RALGAPA1: variants seen among roughly 807,000 people sequenced by gnomAD.
RALGAPA1 encodes ral GTPase-activating protein subunit alpha-1.
In RALGAPA1, 52 loss-of-function variants were observed where a neutral mutation model predicts 269.6. The observed-to-expected ratio is 0.19, with a 90% CI of 0.15 to 0.24. The LOEUF is 0.24. Ranked by LOEUF, RALGAPA1 falls within the 10% of genes least tolerant of loss-of-function variation. The pLI is 1.00. For missense variants in RALGAPA1, 1,917 were observed against 3,013.9 expected (o/e 0.64, Z 8.52); for synonymous variants, 817 against 1,008.3 (o/e 0.81, Z 3.60).
At chr14:35,546,144 C>T (rs1021418927) in intron 41 of RALGAPA1, among the ~76,000 whole-genome samples, 4 of 152,136 alleles carry the variant, frequency 2.6e-5, no homozygotes, top group African/African-American at 9.7e-5. Context: ...CTGCCACAGA[C>T]AGTACATTTT....
Position 35,692,493 on chromosome 14 carries a change from G to GT in RALGAPA1, c.2408-2491dup, listed in dbSNP as rs77803792. Among the ~76,000 whole-genome samples, 184 of 135,674 alleles carry GT rather than the reference G, an allele frequency of 1.4e-3. 1 individual carries two copies. Among genetic ancestry groups the GT allele is most frequent in the Middle Eastern group, 3.9e-3 (1 of 254 alleles). 89.0% of individuals were successfully genotyped at this position (135,674 alleles called of 152,430 possible). Reference sequence around the variant, plus strand: ...AAACGTAACCATTATTTCAGCCTATGTTTTTTTTTTTTCCTAAAACTTGTT... The same window carrying GT: ...AAACGTAACCATTATTTCAGCCTATGTTTTTTTTTTTTTCCTAAAACTTGTT... On this transcript the variant is annotated intron_variant, in intron 17 of 41. Transcript: ENST00000680220.
chr14:35,767,713 C>T (rs2076671937), intron 4 of RALGAPA1, among the ~76,000 whole-genome samples: 2 of 151,872 alleles, frequency 1.3e-5, no homozygotes, highest in Admixed American at 1.3e-4. Context: ...TAAACAAAAA[C>T]CTAGAAACAG....
Position 35,674,496 on chromosome 14 carries a change from A to AT in RALGAPA1, c.4818+19dup, listed in dbSNP as rs751225171. On this transcript the variant is annotated intron_variant, in intron 23 of 41. Coordinates refer to ENST00000680220, the MANE Select transcript of RALGAPA1 (RefSeq NM_001346249.2). ...TATTTTTATTTTCTTCTCCACTTAT[A>AT]TCCGCTATTTCTTTTTTACCTTAGC... 1 of 1,585,140 alleles carries AT rather than the reference A, an allele frequency of 6.3e-7. No homozygotes were observed. The highest frequency in any genetic ancestry group is 1.2e-5 in the South Asian group (1 of 85,552).
intron 1 of RALGAPA1, among the ~76,000 whole-genome samples, chr14:35,791,063 G>A (rs993910030): frequency 3.9e-5 from 6 of 152,088 alleles, no homozygotes; most frequent in South Asian, 4.1e-4. Context: ...TAAGAGCAGC[G>A]ACAAAGTTTG....
chr14:35,636,637 C>G (rs984434526), intron 31 of RALGAPA1, among the ~76,000 whole-genome samples: 3 of 152,174 alleles, frequency 2.0e-5, no homozygotes, highest in Non-Finnish European at 4.4e-5. Context: ...TCTTGCACCT[C>G]AGCCACCTAA....
At chr14:35,740,079 C>T (rs1258847903) in intron 11 of RALGAPA1, among the ~76,000 whole-genome samples, 1 of 152,090 alleles carries the variant, frequency 6.6e-6, no homozygotes, top group African/African-American at 2.4e-5. Context: ...TTACCTTTCC[C>T]ATTTGTCTAC....
chr14:35,689,743 G>A lies in RALGAPA1; in HGVS notation c.2668C>T (p.His890Tyr), dbSNP rs1164879340. 2.0e-6 allele frequency: 3 copies of A among 1,487,600 alleles called. No individual in the cohort carries two copies. In the African/African-American group the frequency reaches 4.4e-5, roughly 22 times the overall value. The allele number at this position is 1,487,600 out of a possible 1,614,324, so 92.2% of individuals were successfully genotyped here. A position where few individuals can be genotyped will look rare whatever the true frequency, so the allele number is the denominator to read the frequency against. The change falls in exon 18 of 42, where the codon CAC becomes TAC. Residue 890 changes from histidine (H) to tyrosine (Y), a missense_variant. His to Tyr is a moderately conservative substitution (Grantham distance 83). This residue lies in a region of RALGAPA1 where 615 missense variants were observed against 790.0 expected (regional missense o/e 0.78). Transcript: ENST00000680220. ...ASSITRSTES[H>Y]ITDTHSRESS... ...TCTCTACTATGAGTATCAGTGATGT[G>A]GCTTTCAGTGGATCTAGTTATTGAA...
intron 12 of RALGAPA1, among the ~76,000 whole-genome samples, chr14:35,736,700 T>C (rs1013659004): frequency 1.1e-4 from 17 of 152,190 alleles, no homozygotes; most frequent in African/African-American, 3.9e-4. Context: ...TTTAACAATG[T>C]AGAGGTCACA....
chr14:35,645,600 G>A (rs776682849), intron 31 of RALGAPA1, among the ~76,000 whole-genome samples: 8 of 151,762 alleles, frequency 5.3e-5, no homozygotes, highest in African/African-American at 1.2e-4. Flanking sequence ...GCGTGGTGGC[G>A]GGCGCCTGTA....
chr14:35,802,029 G>A (rs1445741961), intron 1 of RALGAPA1, among the ~76,000 whole-genome samples: 1 of 152,140 alleles, frequency 6.6e-6, no homozygotes, highest in Non-Finnish European at 1.5e-5. Flanking sequence ...AACAGAACTG[G>A]CTGGGTGCTG....
At chr14:35,773,841 A>G (rs1026137921) in intron 3 of RALGAPA1, among the ~76,000 whole-genome samples, 1 of 152,074 alleles carries the variant, frequency 6.6e-6, no homozygotes, top group Non-Finnish European at 1.5e-5. Context: ...AACTAAATCA[A>G]CAGCTAAGAG....
chr14:35,773,278 G>T (rs2074774768), intron 3 of RALGAPA1, among the ~76,000 whole-genome samples: 1 of 152,004 alleles, frequency 6.6e-6, no homozygotes, highest in Non-Finnish European at 1.5e-5. Context: ...TATTCCAGAA[G>T]AAGGAAATCA....
Position 35,672,991 on chromosome 14 carries a change from C to A in RALGAPA1, c.4949G>T (p.Gly1650Val). Residue 1650 changes from glycine (G) to valine (V), a missense_variant, in exon 25 of 42, where the codon GGT becomes GTT. Around this residue, in one of 11 missense-constraint regions of RALGAPA1, gnomAD observed 73 missense variants for 190.6 expected, o/e 0.38. Transcript: ENST00000680220. ...AATAAGTTTATATGCATGTAATTTA[C>A]CTTGTTTATATTTATCAGTCAACAT... ...ATMLTDKYKQ[G>V]KLHAYKLICN... The A allele has an allele frequency of 6.5e-7, 1 of 1,539,186 alleles. No homozygotes were observed. The highest frequency in any genetic ancestry group is 2.4e-5 in the East Asian group (1 of 42,302).
intron 31 of RALGAPA1, among the ~76,000 whole-genome samples, chr14:35,645,391 A>AGTGTGTGTATG (rs2062354116): frequency 8.8e-6 from 1 of 113,292 alleles, no homozygotes; most frequent in African/African-American, 3.8e-5. Context: ...GTGTGTGTGT[A>AGTGTGTGTATG]TATGTTATGT....
intron 27 of RALGAPA1, among the ~76,000 whole-genome samples, chr14:35,663,710 C>T (rs963181998): frequency 4.0e-4 from 61 of 152,110 alleles, no homozygotes; most frequent in Non-Finnish European, 7.8e-4. Context: ...CTGCCTCAGC[C>T]TCCCGAGTAG....
intron 27 of RALGAPA1, among the ~76,000 whole-genome samples, chr14:35,662,388 T>C (rs2063599532): frequency 6.6e-6 from 1 of 152,314 alleles, no homozygotes; most frequent in Admixed American, 6.5e-5. Flanking sequence ...TGGAATCTGA[T>C]TTTGGTGAAA....
At chr14:35,664,571 C>A (rs1386771692) in intron 27 of RALGAPA1, 71 bp downstream of exon 27, 5 of 1,241,630 alleles carry the variant, frequency 4.0e-6, no homozygotes, top group African/African-American at 1.5e-5. Flanking sequence ...AGAAAGAATA[C>A]AAATTTTATT....
At chr14:35,749,834 G>GA (rs1290927780) in intron 9 of RALGAPA1, among the ~76,000 whole-genome samples, 2 of 151,670 alleles carry the variant, frequency 1.3e-5, no homozygotes, top group Non-Finnish European at 2.9e-5. Flanking sequence ...AGGTGTTATA[G>GA]AAAAAACACA....
At chr14:35,639,914 G>C (rs2061908006) in intron 31 of RALGAPA1, among the ~76,000 whole-genome samples, 1 of 151,048 alleles carries the variant, frequency 6.6e-6, no homozygotes, top group Non-Finnish European at 1.5e-5. Flanking sequence ...AGTTCAGCCT[G>C]GGCGAGAGGC....
Sources: gnomAD v4.1 joint callset for allele counts (sites outside exome capture counted in the v4.1 genomes callset) on GRCh38, gnomAD v4.1.1 for gene constraint, gnomAD v4.1.1 regional missense constraint, MANE v1.5 for transcripts, NCBI Gene and HGNC (gene_info 2026-07-23, HGNC 2026-07-21) for gene names.